ZNF813: variants seen among roughly 807,000 people sequenced by gnomAD.
The protein encoded by ZNF813 is zinc finger protein 813.
ZNF813 carries 3 observed loss-of-function variants against 7.2 expected under a neutral mutation model. That is an observed-to-expected ratio of 0.42 (90% confidence interval 0.19 to 1.08). The LOEUF (loss-of-function observed/expected upper bound fraction) is 1.08, where lower values mean the gene tolerates loss of function less well. Ranked by LOEUF, ZNF813 falls within the 50% of genes least tolerant of loss-of-function variation. ZNF813 has a pLI of 0.30. For missense variants in ZNF813, 714 were observed against 753.3 expected (o/e 0.95, Z 0.61); for synonymous variants, 227 against 256.3 (o/e 0.89, Z 1.09).
intron 1 of ZNF813, among the ~76,000 whole-genome samples, chr19:53,481,344 CT>C (rs66842546): frequency 0.2 from 21,675 of 106,158 alleles, 1,912 homozygotes; most frequent in Middle Eastern, 0.25. Context: ...CCCATGTATT[CT>C]TTTTTTTTTT....
intron 1 of ZNF813, among the ~76,000 whole-genome samples, chr19:53,483,053 C>T (rs970238614): frequency 3.3e-5 from 5 of 152,190 alleles, no homozygotes; most frequent in Admixed American, 3.3e-4. Context: ...GCTGGGATTA[C>T]AGACACCCAC....
In ZNF813 at chr19:53,494,139, G is replaced by A. The variant is rs1157328581; in HGVS notation, c.*2053G>A. The A allele has an allele frequency of 4.6e-5, 7 of 152,202 alleles. No individual in the cohort carries two copies. The highest frequency in any genetic ancestry group is 8.8e-5 in the Non-Finnish European group (6 of 68,034). The allele number at this position is 152,202 out of a possible 1,614,324, so 9.4% of individuals were successfully genotyped here. Reference sequence around the variant, plus strand: ...CATCCCAGAAATAAGTGGCACTTGAGTATCTACAGTCCTTTTTACATCCTC... The same window carrying A: ...CATCCCAGAAATAAGTGGCACTTGAATATCTACAGTCCTTTTTACATCCTC... On this transcript the variant is annotated 3_prime_UTR_variant, in exon 4 of 4. Coordinates refer to ENST00000396403, the MANE Select transcript of ZNF813 (RefSeq NM_001004301.4).
Position 53,493,817 on chromosome 19 carries a change from C to G in ZNF813, c.*1731C>G, listed in dbSNP as rs1367200678. On this transcript the variant is annotated 3_prime_UTR_variant, in exon 4 of 4. Transcript: ENST00000396403. ...TATTTCATTGCTCTGGCTAGGACAGCCAGTATTTATTGAATAGAAGGGGTG... is the reference window on the plus strand; with the variant it reads ...TATTTCATTGCTCTGGCTAGGACAGGCAGTATTTATTGAATAGAAGGGGTG... The G allele has an allele frequency of 6.6e-6, 1 of 152,182 alleles. No individual in the cohort carries two copies. Among genetic ancestry groups the G allele is most frequent in the African/African-American group, 2.4e-5 (1 of 41,426 alleles). 9.4% of individuals were successfully genotyped at this position (152,182 alleles called of 1,614,324 possible).
At chr19:53,482,468 C>T (rs2086412950) in intron 1 of ZNF813, among the ~76,000 whole-genome samples, 1 of 152,182 alleles carries the variant, frequency 6.6e-6, no homozygotes, top group African/African-American at 2.4e-5. Context: ...CCCTCTGCCC[C>T]AGTCACATTT....
chr19:53,483,200 G>A (rs1490982537), intron 1 of ZNF813, among the ~76,000 whole-genome samples: 3 of 151,538 alleles, frequency 2.0e-5, no homozygotes, highest in Non-Finnish European at 2.9e-5. Flanking sequence ...ACGAGCCACC[G>A]TGCCCGGCTC....
rs1257510748 is a variant in ZNF813, at chr19:53,495,832, C to T, written c.*3746C>T. The T allele has an allele frequency of 6.0e-6, 1 of 165,448 alleles. No individual in the cohort carries two copies. The highest frequency in any genetic ancestry group is 2.4e-5 in the African/African-American group (1 of 41,700). 10.2% of individuals were successfully genotyped at this position (165,448 alleles called of 1,614,324 possible). A position where few individuals can be genotyped will look rare whatever the true frequency, so the allele number is the denominator to read the frequency against. The stretch of plus-strand genomic sequence containing the variant: ...AAATAAAAAATAAAATATGTCAAGC[C>T]CCTTCTCTTCCTGTCTCCTCTCGTG... On this transcript the variant is annotated 3_prime_UTR_variant, in exon 4 of 4. Coordinates refer to ENST00000396403, the MANE Select transcript of ZNF813 (RefSeq NM_001004301.4).
intron 1 of ZNF813, among the ~76,000 whole-genome samples, chr19:53,469,057 T>A (rs2617712): frequency 9.3e-5 from 14 of 150,566 alleles, no homozygotes; most frequent in Non-Finnish European, 1.5e-4. Flanking sequence ...CCTGGTTAAC[T>A]GAGAATGGAG....
At chr19:53,480,380 AAC>A (rs1189671451) in intron 1 of ZNF813, among the ~76,000 whole-genome samples, 3 of 148,360 alleles carry the variant, frequency 2.0e-5, no homozygotes, top group Admixed American at 6.8e-5. Context: ...AAAAAAAAAA[AAC>A]ATAATTACTT....
At chr19:53,472,039 T>G (rs150075340) in intron 1 of ZNF813, among the ~76,000 whole-genome samples, 1 of 152,130 alleles carries the variant, frequency 6.6e-6, no homozygotes, top group Non-Finnish European at 1.5e-5. Flanking sequence ...CTAGTCTGCA[T>G]GCTTATGGAA....
chr19:53,488,383 CTCTT>C, intron 3 of ZNF813: 2 of 307,684 alleles, frequency 6.5e-6, no homozygotes, highest in Non-Finnish European at 1.3e-5. Context: ...GTTGGAGTGA[CTCTT>C]TAGACTTCTT....
At chr19:53,471,262 A>T (rs977687546) in intron 1 of ZNF813, among the ~76,000 whole-genome samples, 3 of 152,058 alleles carry the variant, frequency 2.0e-5, no homozygotes, top group African/African-American at 4.8e-5. Flanking sequence ...TGGTGCACAG[A>T]TCTAATAGAG....
chr19:53,468,329 T>C (rs2086338626), intron 1 of ZNF813, among the ~76,000 whole-genome samples: 1 of 151,496 alleles, frequency 6.6e-6, no homozygotes, highest in Non-Finnish European at 1.5e-5. Context: ...CCGGGGCTTG[T>C]CCTGTTGAAG....
At chr19:53,489,378 G>A (rs2086448673) in intron 3 of ZNF813, among the ~76,000 whole-genome samples, 1 of 152,082 alleles carries the variant, frequency 6.6e-6, no homozygotes, top group African/African-American at 2.4e-5. Flanking sequence ...TGAGGCGGGT[G>A]GATCATTGAG....
intron 1 of ZNF813, among the ~76,000 whole-genome samples, chr19:53,477,718 G>A (rs1461345605): frequency 6.6e-6 from 1 of 152,100 alleles, no homozygotes; most frequent in Admixed American, 6.5e-5. Flanking sequence ...CTACTCTGGA[G>A]GCCGAGGCAG....
rs180715927 is a variant in ZNF813 at position 53,469,977 on chromosome 19, A to G, written c.-74+2188A>G. Among the ~76,000 whole-genome samples, 186 of 149,270 alleles carry G rather than the reference A, an allele frequency of 1.2e-3. 2 individuals carry two copies. Among genetic ancestry groups the G allele is most frequent in the Middle Eastern group, 3.4e-3 (1 of 290 alleles). On this transcript the variant is annotated intron_variant, in intron 1 of 3. Coordinates refer to ENST00000396403, the MANE Select transcript of ZNF813 (RefSeq NM_001004301.4). ...TAAAAAGCTGAGCATTTCAACAAAGAGTGGGGTTTTTATAAGCAGGCTTAC... is the reference window on the plus strand; with the variant it reads ...TAAAAAGCTGAGCATTTCAACAAAGGGTGGGGTTTTTATAAGCAGGCTTAC...
chr19:53,475,914 G>A lies in ZNF813; in HGVS notation c.-73-7836G>A, dbSNP rs543885971. ...TTGACCTGCTTGAAGTCTATTTCTTGATTAGGTTTTCAAAGGAGGGGCTCC... is the reference window on the plus strand; with the variant it reads ...TTGACCTGCTTGAAGTCTATTTCTTAATTAGGTTTTCAAAGGAGGGGCTCC... On this transcript the variant is annotated intron_variant, in intron 1 of 3. Coordinates refer to ENST00000396403, the MANE Select transcript of ZNF813 (RefSeq NM_001004301.4). 2.7e-4 allele frequency among the ~76,000 whole-genome samples: 41 copies of A among 152,266 alleles called. 1 individual carries two copies. Among genetic ancestry groups the A allele is most frequent in the African/African-American group, 9.9e-4 (41 of 41,560 alleles).
intron 1 of ZNF813, 65 bp from the exon 2 acceptor site, chr19:53,483,685 T>G: frequency 1.3e-6 from 2 of 1,482,542 alleles, no homozygotes; most frequent in South Asian, 1.2e-5. Context: ...TTTGTATGTG[T>G]TGTTGTGTTA....
intron 1 of ZNF813, among the ~76,000 whole-genome samples, chr19:53,473,777 A>G (rs1299199681): frequency 2.0e-5 from 3 of 152,108 alleles, no homozygotes; most frequent in African/African-American, 4.8e-5. Flanking sequence ...TAATTCCTCT[A>G]GTTCTTGGAG....
intron 3 of ZNF813, among the ~76,000 whole-genome samples, chr19:53,489,954 G>A (rs1473460675): frequency 1.3e-5 from 2 of 152,178 alleles, no homozygotes; most frequent in Non-Finnish European, 2.9e-5. Context: ...ACATGAGCTT[G>A]TTGTGGATTA....
Sources: allele counts gnomAD v4.1 joint callset (sites outside exome capture counted in the v4.1 genomes callset), GRCh38; gene constraint gnomAD v4.1.1; transcripts MANE v1.5; gene names NCBI Gene and HGNC (gene_info 2026-07-23, HGNC 2026-07-21).